Variants in GARRE1 observed in about 807,000 individuals in gnomAD.
GARRE1 encodes the protein granule associated Rac and RHOG effector protein 1.
In GARRE1, 49 loss-of-function variants were observed where a neutral mutation model predicts 103.2. The ratio of observed to expected loss-of-function variants is 0.47; its 90% CI spans 0.38 to 0.60. The LOEUF is 0.60. GARRE1 is among the 20% of genes least tolerant of loss of function. GARRE1 has a pLI of 0.00. For missense variants in GARRE1, 1,199 were observed against 1,370.5 expected (o/e 0.87, Z 1.98); for synonymous variants, 505 against 532.8 (o/e 0.95, Z 0.72).
intron 2 of GARRE1, among the ~76,000 whole-genome samples, chr19:34,305,308 G>GTCATCCACCATTCATCCATTACAT (rs1486284899): frequency 6.6e-6 from 1 of 152,124 alleles, no homozygotes; most frequent in Non-Finnish European, 1.5e-5. Flanking sequence ...TTTACATAAA[G>GTCATCCACCATTCATCCATTACAT]AACCACGTTG....
chr19:34,307,621 TTATATA>T (rs1230643487), intron 2 of GARRE1, among the ~76,000 whole-genome samples: 1 of 143,404 alleles, frequency 7.0e-6, no homozygotes, highest in African/African-American at 2.5e-5. Flanking sequence ...ATATATATAC[TTATATA>T]TACATATATA....
intron 1 of GARRE1, among the ~76,000 whole-genome samples, chr19:34,259,493 A>C (rs539687758): frequency 1.2e-4 from 18 of 152,332 alleles, no homozygotes; most frequent in African/African-American, 4.1e-4. Context: ...GCTGGACAGC[A>C]CATCCTGGGA....
intron 1 of GARRE1, among the ~76,000 whole-genome samples, chr19:34,288,456 C>A (rs571836286): frequency 6.6e-6 from 1 of 152,296 alleles, no homozygotes; most frequent in East Asian, 1.9e-4. Context: ...AAAACAGCCT[C>A]CCCTGTGTGC....
At chr19:34,256,854 T>C (rs937281568) in intron 1 of GARRE1, among the ~76,000 whole-genome samples, 2 of 152,186 alleles carry the variant, frequency 1.3e-5, no homozygotes, top group Admixed American at 6.5e-5. Flanking sequence ...CATTTTCCAA[T>C]ACAAGTACAG....
chr19:34,296,546 A>G, intron 1 of GARRE1: 8 of 1,595,068 alleles, frequency 5.0e-6, no homozygotes, highest in Non-Finnish European at 6.8e-6. Flanking sequence ...CGGCACGTGC[A>G]CTCATGGCCT....
intron 1 of GARRE1, among the ~76,000 whole-genome samples, chr19:34,255,922 A>G (rs920757743): frequency 2.4e-4 from 37 of 151,850 alleles, no homozygotes; most frequent in African/African-American, 8.2e-4. Context: ...ATTAACTGCA[A>G]CCTTAGCCTC....
In GARRE1 at chr19:34,313,286, G is replaced by A. The variant is rs142688110; in HGVS notation, c.496-6621G>A. 7.0e-3 allele frequency among the ~76,000 whole-genome samples: 1,071 copies of A among 152,266 alleles called. 11 individuals are homozygous for A. The highest frequency in any genetic ancestry group is 0.027 in the Middle Eastern group (8 of 294). On this transcript the variant is annotated intron_variant, in intron 2 of 13. Coordinates refer to ENST00000299505, the MANE Select transcript of GARRE1 (RefSeq NM_014686.5). ...ACCCTGGGGCACTCCCACATTTACA[G>A]TCAGAAGATGAATAGGAAGCCGCCC...
intron 2 of GARRE1, among the ~76,000 whole-genome samples, chr19:34,317,145 C>T (rs1244472603): frequency 2.0e-5 from 3 of 152,214 alleles, no homozygotes; most frequent in Non-Finnish European, 4.4e-5. Flanking sequence ...CGGTCATTTC[C>T]TTGAGGAGCC....
Position 34,352,813 on chromosome 19 carries a change from A to C in GARRE1, c.3071A>C (p.Asn1024Thr). ...MLQSPVWAATNDCSAAAFSYV... is the reference protein window; with the variant it reads ...MLQSPVWAATTDCSAAAFSYV... ...CAGTCCCCAGTGTGGGCCGCAACCA[A>C]CGACTGCAGTGCCGCTGCCTTCTCC... The change falls in exon 14 of 14, where the codon AAC becomes ACC. Residue 1024 changes from asparagine to threonine, a missense_variant. Asn to Thr is a moderately conservative substitution (Grantham distance 65, BLOSUM62 0). Transcript: ENST00000299505. The C allele has an allele frequency of 1.2e-6, 2 of 1,613,712 alleles. No individual in the cohort carries two copies. Among genetic ancestry groups the C allele is most frequent in the Non-Finnish European group, 8.5e-7 (1 of 1,179,908 alleles).
intron 12 of GARRE1, among the ~76,000 whole-genome samples, chr19:34,351,214 TAA>T (rs776768646): frequency 2.2e-5 from 3 of 136,138 alleles, no homozygotes; most frequent in South Asian, 2.3e-4. Context: ...AAAAAAAAAA[TAA>T]AATAATAATA....
chr19:34,340,847 C>T (rs958422902), intron 9 of GARRE1, among the ~76,000 whole-genome samples: 2 of 152,176 alleles, frequency 1.3e-5, no homozygotes. Context: ...CATGAGTACA[C>T]AAAGGCCAGA....
At chr19:34,298,162 T>G (rs1329631413) in intron 1 of GARRE1, among the ~76,000 whole-genome samples, 1 of 152,204 alleles carries the variant, frequency 6.6e-6, no homozygotes, top group African/African-American at 2.4e-5. Flanking sequence ...CTCATGCCTG[T>G]AATCTCAGCA....
chr19:34,350,627 G>C (rs1420383327), intron 12 of GARRE1, among the ~76,000 whole-genome samples: 1 of 152,118 alleles, frequency 6.6e-6, no homozygotes, highest in Admixed American at 6.5e-5. Context: ...TGTTGCCCAG[G>C]CTGGAGTGCA....
rs369472021 is a variant in GARRE1 at position 34,341,835 on chromosome 19, A to G, written c.1901A>G (p.Asp634Gly). The change falls in exon 10 of 14, where the codon GAT (aspartate) becomes GGT (glycine). Residue 634 changes from aspartate (D) to glycine (G), a missense_variant. Transcript: ENST00000299505. ...TTCCTGCATGGAGATGACGGCAAGG[A>G]TGAGAAGGGTATGAACTTACCAACT... ...ENFLHGDDGK[D>G]EKGMNLPTDQ... The G allele has an allele frequency of 1.9e-6, 3 of 1,614,076 alleles. No homozygotes were observed. The highest frequency in any genetic ancestry group is 1.3e-5 in the African/African-American group (1 of 74,928).
intron 2 of GARRE1, among the ~76,000 whole-genome samples, chr19:34,308,434 G>C (rs1489675216): frequency 6.6e-6 from 1 of 152,100 alleles, no homozygotes; most frequent in African/African-American, 2.4e-5. Flanking sequence ...TTTGAAACTT[G>C]CTAATTTCAG....
rs559042400 is a variant in GARRE1, at chr19:34,324,679, A to T, written c.706-2742A>T. Among the ~76,000 whole-genome samples the T allele has an allele frequency of 3.3e-5, 5 of 151,718 alleles. No individual in the cohort carries two copies. The South Asian group carries it at 1.0e-3, about 32-fold the overall frequency. On this transcript the variant is annotated intron_variant, in intron 3 of 13. Coordinates refer to ENST00000299505, the MANE Select transcript of GARRE1 (RefSeq NM_014686.5). ...AATTATTTATTTTATTTTACTTTTT[A>T]TTTATTTTTTTAAAGACAGGGTCTT...
At chr19:34,267,215 C>T (rs2073757978) in intron 1 of GARRE1, among the ~76,000 whole-genome samples, 2 of 152,118 alleles carry the variant, frequency 1.3e-5, no homozygotes, top group Admixed American at 1.3e-4. Flanking sequence ...CAGTGAGCCG[C>T]GATCACACAA....
intron 8 of GARRE1, among the ~76,000 whole-genome samples, chr19:34,336,658 A>G (rs2074162556): frequency 6.6e-6 from 1 of 151,424 alleles, no homozygotes; most frequent in Non-Finnish European, 1.5e-5. Flanking sequence ...TTTAGTAGAG[A>G]TGGGTTTCAC....
At chr19:34,282,008 G>A (rs958927565) in intron 1 of GARRE1, among the ~76,000 whole-genome samples, 13 of 152,112 alleles carry the variant, frequency 8.5e-5, no homozygotes, top group South Asian at 2.1e-4. Context: ...AGCTACAAGC[G>A]TGTGTGTCTG....
Sources: allele counts gnomAD v4.1 joint callset (sites outside exome capture counted in the v4.1 genomes callset), GRCh38; gene constraint gnomAD v4.1.1; transcripts MANE v1.5; gene names NCBI Gene and HGNC (gene_info 2026-07-23, HGNC 2026-07-21).